Variants in TRPM3 observed in about 807,000 individuals in gnomAD.
TRPM3 encodes transient receptor potential cation channel subfamily M member 3.
Under a neutral mutation model 181.2 loss-of-function variants are expected in TRPM3, and 77 were observed. The observed-to-expected ratio is 0.42, with a 90% CI of 0.35 to 0.51. The LOEUF is 0.51. Ranked by LOEUF, TRPM3 falls within the 20% of genes least tolerant of loss-of-function variation. The pLI, the probability that TRPM3 is intolerant of heterozygous loss-of-function variation, is 0.01. For missense variants in TRPM3, 1,759 were observed against 2,196.7 expected (o/e 0.80, Z 3.98); for synonymous variants, 745 against 796.4 (o/e 0.94, Z 1.09).
At chr9:70,772,077 G>T (rs1318859466) in intron 7 of TRPM3, among the ~76,000 whole-genome samples, 1 of 152,104 alleles carries the variant, frequency 6.6e-6, no homozygotes, top group African/African-American at 2.4e-5. Context: ...CAGGGAAAAT[G>T]TCAAATAATA....
intron 1 of TRPM3, among the ~76,000 whole-genome samples, chr9:71,083,440 G>A (rs562660539): frequency 2.0e-5 from 3 of 151,904 alleles, no homozygotes; most frequent in East Asian, 1.9e-4. Context: ...TCCTCTTCCC[G>A]ATCCTTCATC....
intron 1 of TRPM3, among the ~76,000 whole-genome samples, chr9:71,346,412 G>A (rs952107516): frequency 1.3e-5 from 2 of 152,152 alleles, no homozygotes; most frequent in Non-Finnish European, 2.9e-5. Context: ...TAGTCTTAGG[G>A]GTGTACTTTA....
intron 22 of TRPM3, among the ~76,000 whole-genome samples, chr9:70,583,323 T>C (rs2056399865): frequency 1.3e-5 from 2 of 152,186 alleles, no homozygotes; most frequent in South Asian, 2.1e-4. Flanking sequence ...TGCGCATGCT[T>C]TGCGGGCTCA....
intron 1 of TRPM3, among the ~76,000 whole-genome samples, chr9:71,036,828 T>C (rs983224827): frequency 3.3e-5 from 5 of 152,178 alleles, no homozygotes; most frequent in African/African-American, 1.2e-4. Context: ...GGTGGTTCAA[T>C]GGAAGGTGCA....
intron 22 of TRPM3, among the ~76,000 whole-genome samples, chr9:70,585,297 G>A (rs752091435): frequency 3.9e-5 from 6 of 152,034 alleles, no homozygotes; most frequent in East Asian, 1.9e-4. Context: ...ATTTGACACC[G>A]TTGACCACTC....
chr9:71,092,513 TA>T (rs1289137314), intron 1 of TRPM3, among the ~76,000 whole-genome samples: 7 of 152,290 alleles, frequency 4.6e-5, no homozygotes, highest in African/African-American at 1.7e-4. Context: ...TAATAAATTG[TA>T]AAATTAACTC....
At chr9:71,104,240 C>T (rs934439987) in intron 1 of TRPM3, among the ~76,000 whole-genome samples, 3 of 152,112 alleles carry the variant, frequency 2.0e-5, no homozygotes, top group East Asian at 1.9e-4. Flanking sequence ...TTATGAGTGA[C>T]CACTACTACT....
At chr9:71,181,387 TTAGG>T (rs1460858690) in intron 1 of TRPM3, among the ~76,000 whole-genome samples, 1 of 147,784 alleles carries the variant, frequency 6.8e-6, no homozygotes, top group African/African-American at 2.5e-5. Flanking sequence ...TTTTTTTTGA[TTAGG>T]AGAAAACTTT....
At chr9:70,841,654 A>ATCCCAC (rs1564540313) in intron 5 of TRPM3, among the ~76,000 whole-genome samples, 88 of 123,668 alleles carry the variant, frequency 7.1e-4, no homozygotes, top group African/African-American at 2.9e-3. Context: ...ATATATATAT[A>ATCCCAC]TATATATCCC....
intron 18 of TRPM3, among the ~76,000 whole-genome samples, chr9:70,611,349 G>GTGA (rs1554779156): frequency 1.3e-5 from 2 of 151,478 alleles, no homozygotes; most frequent in African/African-American, 2.4e-5. Flanking sequence ...CTGGTGAGAG[G>GTGA]TGATTGATTG....
At chr9:70,851,222 T>C (rs1447568391) in intron 3 of TRPM3, among the ~76,000 whole-genome samples, 1 of 152,208 alleles carries the variant, frequency 6.6e-6, no homozygotes, top group East Asian at 1.9e-4. Context: ...AAGAACCTTG[T>C]ATATTTATTG....
intron 6 of TRPM3, among the ~76,000 whole-genome samples, chr9:70,791,414 G>T (rs545277569): frequency 1.1e-4 from 16 of 152,174 alleles, no homozygotes; most frequent in Non-Finnish European, 1.9e-4. Flanking sequence ...CCTTCCCTGA[G>T]GTTGGAACTT....
chr9:71,110,037 T>C (rs1232748733), intron 1 of TRPM3, among the ~76,000 whole-genome samples: 2 of 152,152 alleles, frequency 1.3e-5, no homozygotes, highest in African/African-American at 4.8e-5. Context: ...TGAGACTGCA[T>C]CAATTTTTTT....
chr9:70,700,745 A>AGTT (rs1309690623), intron 8 of TRPM3, among the ~76,000 whole-genome samples: 2 of 152,262 alleles, frequency 1.3e-5, no homozygotes, highest in African/African-American at 4.8e-5. Flanking sequence ...ACTGGAGAGA[A>AGTT]GTTTTATCCA....
intron 1 of TRPM3, among the ~76,000 whole-genome samples, chr9:71,432,096 G>A (rs1030038800): frequency 2.0e-5 from 3 of 152,102 alleles, no homozygotes; most frequent in African/African-American, 7.2e-5. Flanking sequence ...CAGCCTTCTA[G>A]AGGTCTTACA....
At chr9:71,443,646 G>C (rs767952716) in intron 1 of TRPM3, among the ~76,000 whole-genome samples, 3 of 152,026 alleles carry the variant, frequency 2.0e-5, no homozygotes, top group African/African-American at 7.3e-5. Context: ...TAAGATTAGC[G>C]TCAAAATCAT....
intron 1 of TRPM3, among the ~76,000 whole-genome samples, chr9:70,915,093 C>G (rs2096577510): frequency 6.6e-6 from 1 of 152,132 alleles, no homozygotes. Context: ...AACATGGCCT[C>G]ATGAAATGAA....
chr9:70,824,137 T>C (rs188586657), intron 6 of TRPM3, among the ~76,000 whole-genome samples: 4 of 152,320 alleles, frequency 2.6e-5, no homozygotes, highest in East Asian at 3.9e-4. Context: ...ATACCATTTA[T>C]GTAAGAAAAC....
At chr9:70,752,905 T>C (rs1587852100) in intron 8 of TRPM3, among the ~76,000 whole-genome samples, 1 of 150,712 alleles carries the variant, frequency 6.6e-6, no homozygotes, top group African/African-American at 2.4e-5. Context: ...AGGTCAGGAG[T>C]TCAAGACCAG....
Sources: gnomAD v4.1 joint callset for allele counts (sites outside exome capture counted in the v4.1 genomes callset) on GRCh38, gnomAD v4.1.1 for gene constraint, MANE v1.5 for transcripts, NCBI Gene and HGNC (gene_info 2026-07-23, HGNC 2026-07-21) for gene names.